Variants in MRPL23 observed in about 807,000 individuals in gnomAD.
MRPL23 encodes the protein large ribosomal subunit protein uL23m.
For missense variants in MRPL23, 25 were observed against 81.3 expected (o/e 0.31, Z 2.66); for synonymous variants, 12 against 34.8 (o/e 0.35, Z 2.30).
At chr11:1,983,487 T>C (rs1344245440) in intron 5 of MRPL23, 1 of 86,312 alleles carries the variant, frequency 1.2e-5, no homozygotes, top group Admixed American at 1.1e-4. Context: ...CAGCGGCCCA[T>C]GAAGCCGTCT....
downstream of MRPL23, among the ~76,000 whole-genome samples, chr11:1,988,807 C>T (rs1856842198): frequency 7.0e-6 from 1 of 143,654 alleles, no homozygotes; most frequent in South Asian, 2.7e-4. Flanking sequence ...TTTCCAGGGC[C>T]CCTGGACATC....
chr11:1,956,115 AG>A (rs1345774779), intron 4 of MRPL23, 140 bp from the exon 5 acceptor site: 5 of 187,730 alleles, frequency 2.7e-5, no homozygotes, highest in Non-Finnish European at 4.4e-5. Flanking sequence ...ACGCTGCCCC[AG>A]GAGGCCCAGG....
At position 1,970,930 on chromosome 11, in the gene MRPL23, C is replaced by T. The variant is rs140849497; in HGVS notation, c.298-1629C>T. Reference sequence around the variant, plus strand: ...ACCTGATGGAGCCTGGGAGTCCTGGCGGGCAGAAGGAGCTGAGGGTGGCAG... The same window carrying T: ...ACCTGATGGAGCCTGGGAGTCCTGGTGGGCAGAAGGAGCTGAGGGTGGCAG... On this transcript the variant is annotated intron_variant, in intron 4 of 4. Coordinates refer to the MRPL23 transcript ENST00000397294. Among the ~76,000 whole-genome samples, 71 of 80,860 alleles carry T rather than the reference C, an allele frequency of 8.8e-4. 3 individuals are homozygous for T. Among genetic ancestry groups the T allele is most frequent in the Non-Finnish European group, 1.7e-3 (61 of 34,934 alleles). 53.0% of individuals were successfully genotyped at this position (80,860 alleles called of 152,430 possible).
At chr11:1,992,095 A>G in the MRPL23 span, 12 of 34,038 alleles carry the variant, frequency 3.5e-4, no homozygotes, top group African/African-American at 6.8e-4. Context: ...CCTCCAGGGA[A>G]CACCACCCCG....
the MRPL23 span, among the ~76,000 whole-genome samples, chr11:1,991,765 C>T: frequency 3.3e-5 from 4 of 122,150 alleles, no homozygotes; most frequent in Non-Finnish European, 7.4e-5. Context: ...CAGATCCCAC[C>T]CCCATCTCTA....
chr11:1,988,872 C>T (rs888014001), downstream of MRPL23, among the ~76,000 whole-genome samples: 2 of 145,842 alleles, frequency 1.4e-5, no homozygotes, highest in African/African-American at 2.4e-5. Flanking sequence ...GGAGGCAGGG[C>T]GGGGGCGGCC....
chr11:1,992,356 AG>A, the MRPL23 span: 2 of 97,334 alleles, frequency 2.1e-5, 1 homozygote, highest in Non-Finnish European at 5.6e-5. Context: ...GCGTGCACCG[AG>A]GGTCCAGCGT....
downstream of MRPL23, among the ~76,000 whole-genome samples, chr11:1,959,994 C>T (rs1856463424): frequency 2.4e-5 from 3 of 125,282 alleles, no homozygotes; most frequent in Non-Finnish European, 5.3e-5. Context: ...TCATTTATTG[C>T]CATGCAGGGG....
chr11:1,983,653 C>T lies in MRPL23; in HGVS notation c.498-785C>T, dbSNP rs1164631485. The T allele has an allele frequency of 1.4e-5, 2 of 141,088 alleles. 1 individual carries two copies. Among genetic ancestry groups the T allele is most frequent in the East Asian group, 4.4e-4 (2 of 4,576 alleles). The allele number at this position is 141,088 out of a possible 1,614,324, so 8.7% of individuals were successfully genotyped here. A position where few individuals can be genotyped will look rare whatever the true frequency, so the allele number is the denominator to read the frequency against. On this transcript the variant is annotated intron_variant, in intron 5 of 5. Transcript: ENST00000397297. ...CCCCAGGCCTCATGTGGGCACCACC[C>T]CTCGTTTACGGGCTCTGGGAGCGGG...
chr11:1,991,550 T>TCAAACA, the MRPL23 span, among the ~76,000 whole-genome samples: 1 of 67,742 alleles, frequency 1.5e-5, no homozygotes, highest in Non-Finnish European at 4.2e-5. Flanking sequence ...TTGTCAGGCA[T>TCAAACA]CACACACACA....
intron 5 of MRPL23, among the ~76,000 whole-genome samples, chr11:1,982,520 TG>T (rs1938845358): frequency 7.8e-5 from 1 of 12,746 alleles, no homozygotes; most frequent in African/African-American, 1.9e-4. Context: ...TCCTGGGCTG[TG>T]GGCGGGGGTC....
At chr11:1,978,750 C>CA (rs61590768) in intron 5 of MRPL23, among the ~76,000 whole-genome samples, 1,709 of 43,200 alleles carry the variant, frequency 0.04, 111 homozygotes, top group East Asian at 0.13. Flanking sequence ...AACTCTGTCT[C>CA]AAAAAAAAAA....
intron 4 of MRPL23, among the ~76,000 whole-genome samples, chr11:1,954,533 C>CGTG (rs113515433): frequency 0.082 from 564 of 6,848 alleles, 184 homozygotes; most frequent in Middle Eastern, 0.5. Flanking sequence ...CCCTGTCCCA[C>CGTG]GTGGCGGGAG....
intron 4 of MRPL23, among the ~76,000 whole-genome samples, chr11:1,971,174 C>T (rs1856605534): frequency 7.1e-6 from 1 of 139,974 alleles, no homozygotes; most frequent in African/African-American, 2.5e-5. Flanking sequence ...CCAGCCCATA[C>T]TTCTCGCCAT....
downstream of MRPL23, among the ~76,000 whole-genome samples, chr11:1,989,115 C>T (rs185473371): frequency 8.9e-5 from 12 of 135,504 alleles, no homozygotes; most frequent in East Asian, 1.7e-3. Context: ...CCCAACAGGC[C>T]GGTGTGTCGT....
chr11:1,984,237 C>T (rs545730739), intron 5 of MRPL23: 1 of 16,780 alleles, frequency 6.0e-5, no homozygotes, highest in East Asian at 1.1e-3. Flanking sequence ...CTAGGGTCAC[C>T]TGGAGCTGGT....
chr11:1,979,299 G>C (rs1856714148), intron 5 of MRPL23, among the ~76,000 whole-genome samples: 1 of 146,354 alleles, frequency 6.8e-6, no homozygotes, highest in Admixed American at 6.8e-5. Context: ...CTGCCCTCGG[G>C]CTCTGCCCAT....
chr11:1,994,213 G>A, the MRPL23 span, among the ~76,000 whole-genome samples: 3 of 93,046 alleles, frequency 3.2e-5, no homozygotes, highest in Non-Finnish European at 5.9e-5. Flanking sequence ...TGGGGAGGCC[G>A]GGACCCCACC....
intron 5 of MRPL23, chr11:1,983,455 G>C (rs529607770): frequency 1.4e-5 from 1 of 73,648 alleles, no homozygotes; most frequent in African/African-American, 4.8e-5. Context: ...CTAGAACTGG[G>C]GAAGGACGCA....
Sources: gnomAD v4.1 joint callset for allele counts (sites outside exome capture counted in the v4.1 genomes callset) on GRCh38, gnomAD v4.1.1 for gene constraint, MANE v1.5 for transcripts, NCBI Gene and HGNC (gene_info 2026-07-23, HGNC 2026-07-21) for gene names.